The following MTAP variants were observed in gnomAD, a reference collection of about 807,000 sequenced individuals.
MTAP encodes the protein methylthioadenosine phosphorylase, also known as S-methyl-5'-thioadenosine phosphorylase.
MTAP carries 33 observed loss-of-function variants against 33.6 expected under a neutral mutation model. That is an observed-to-expected ratio of 0.98 (90% CI 0.74 to 1.31). The LOEUF (loss-of-function observed/expected upper bound fraction) is 1.31, where lower values mean the gene tolerates loss of function less well. MTAP is among the 40% of genes most tolerant of loss of function. The pLI is 0.00. For missense variants in MTAP, 367 were observed against 360.0 expected, an observed-to-expected ratio of 1.02 and a Z score of -0.16; for synonymous variants, 148 against 125.7, an observed-to-expected ratio of 1.18 and a Z score of -1.19.
intron 1 of MTAP, among the ~76,000 whole-genome samples, chr9:21,886,627 G>A (rs1376809858): frequency 1.3e-5 from 2 of 152,172 alleles, no homozygotes; most frequent in Non-Finnish European, 1.5e-5. Context: ...AAAGTGAGAG[G>A]TGAGGATCCA....
At chr9:21,833,872 A>G (rs1825035118) in intron 4 of MTAP, among the ~76,000 whole-genome samples, 1 of 152,192 alleles carries the variant, frequency 6.6e-6, no homozygotes, top group Admixed American at 6.5e-5. Context: ...GAAACAACCT[A>G]CCAGTCAGTC....
downstream of MTAP, chr9:21,867,173 TTTC>T (rs1266794445): frequency 2.6e-5 from 4 of 152,202 alleles, no homozygotes; most frequent in African/African-American, 9.6e-5. Flanking sequence ...TTACCTTTTG[TTTC>T]TTCTTGCTTT....
intron 4 of MTAP, among the ~76,000 whole-genome samples, chr9:21,827,665 G>T (rs947007313): frequency 3.9e-5 from 6 of 152,146 alleles, no homozygotes; most frequent in African/African-American, 1.4e-4. Flanking sequence ...TTTCTGCCCA[G>T]TTTGCACCAT....
At chr9:21,813,247 C>T (rs1824396535) in intron 1 of MTAP, among the ~76,000 whole-genome samples, 1 of 152,244 alleles carries the variant, frequency 6.6e-6, no homozygotes, top group Non-Finnish European at 1.5e-5. Flanking sequence ...TCAGTTGCTA[C>T]ACTTGTCCCT....
chr9:21,849,270 G>A (rs975876936), intron 5 of MTAP, among the ~76,000 whole-genome samples: 1 of 152,114 alleles, frequency 6.6e-6, no homozygotes, highest in African/African-American at 2.4e-5. Flanking sequence ...TTTTACCAGG[G>A]TAACTGTGCA....
intron 6 of MTAP, 31 bp from the exon 7 acceptor site, chr9:21,859,272 C>A (rs775562154): frequency 6.3e-7 from 1 of 1,580,486 alleles, no homozygotes; most frequent in South Asian, 1.2e-5. Context: ...ATTTTAAGTT[C>A]TAGTAACCTC....
chr9:21,851,027 G>T (rs1398195633), intron 5 of MTAP, among the ~76,000 whole-genome samples: 2 of 152,154 alleles, frequency 1.3e-5, no homozygotes, highest in Non-Finnish European at 2.9e-5. Context: ...ACTCCACAAT[G>T]GAAGTAAAGA....
intron 5 of MTAP, among the ~76,000 whole-genome samples, chr9:21,845,669 A>G (rs1825361804): frequency 6.6e-6 from 1 of 152,164 alleles, no homozygotes. Flanking sequence ...CAGAAATATA[A>G]AAGTATCATA....
At chr9:21,939,266 T>C (rs1288004339), downstream of MTAP, among the ~76,000 whole-genome samples, 1 of 152,222 alleles carries the variant, frequency 6.6e-6, no homozygotes, top group Non-Finnish European at 1.5e-5. Context: ...GGTATGTCTT[T>C]ATCAGCAGTG....
intron 3 of MTAP, 95 bp from the exon 4 acceptor site, chr9:21,817,940 T>G: frequency 8.1e-7 from 1 of 1,228,012 alleles, no homozygotes; most frequent in South Asian, 1.6e-5. Flanking sequence ...TCTGTGGTCA[T>G]TGCTAGAGAA....
At chr9:21,839,589 A>G (rs999968263) in intron 5 of MTAP, among the ~76,000 whole-genome samples, 1 of 152,220 alleles carries the variant, frequency 6.6e-6, no homozygotes, top group African/African-American at 2.4e-5. Flanking sequence ...CTTCATAAAG[A>G]CTGAGAGAAT....
At chr9:21,885,949 C>A (rs573334371) in intron 1 of MTAP, among the ~76,000 whole-genome samples, 7 of 152,076 alleles carry the variant, frequency 4.6e-5, no homozygotes, top group African/African-American at 1.7e-4. Flanking sequence ...ATAATGACTT[C>A]TTTTCCTCTG....
At chr9:21,893,695 C>G (rs1427857521) in intron 1 of MTAP, 1 of 151,944 alleles carries the variant, frequency 6.6e-6, no homozygotes, top group Admixed American at 6.6e-5. Flanking sequence ...CAAGATTAAA[C>G]CTGGAAAAAA....
intron 1 of MTAP, among the ~76,000 whole-genome samples, chr9:21,926,339 T>A (rs1403262110): frequency 6.9e-6 from 1 of 144,378 alleles, no homozygotes; most frequent in Non-Finnish European, 1.5e-5. Flanking sequence ...TCTTACCTGT[T>A]AAAAAGAGCA....
chr9:21,872,181 T>A (rs371088923), intron 1 of MTAP, among the ~76,000 whole-genome samples: 6 of 151,988 alleles, frequency 3.9e-5, no homozygotes, highest in African/African-American at 1.5e-4. Flanking sequence ...GGCATGATGG[T>A]AGGCACCTGT....
intron 5 of MTAP, among the ~76,000 whole-genome samples, chr9:21,852,509 CAAAAA>C (rs10628807): frequency 8.7e-6 from 1 of 114,610 alleles, no homozygotes; most frequent in Non-Finnish European, 1.9e-5. Context: ...GACTCCATCT[CAAAAA>C]AAAAAAAAAA....
intron 1 of MTAP, among the ~76,000 whole-genome samples, chr9:21,895,448 G>C (rs1471321988): frequency 6.6e-6 from 1 of 152,220 alleles, no homozygotes; most frequent in African/African-American, 2.4e-5. Flanking sequence ...TTCCAACTGA[G>C]GTACCGGGTT....
downstream of MTAP, among the ~76,000 whole-genome samples, chr9:21,871,489 A>G (rs942880708): frequency 1.5e-4 from 23 of 152,214 alleles, no homozygotes; most frequent in Non-Finnish European, 5.9e-5. Context: ...ACACTGTATT[A>G]TAATTGTCTG....
chr9:21,845,623 A>G (rs756744320), intron 5 of MTAP, among the ~76,000 whole-genome samples: 2 of 152,172 alleles, frequency 1.3e-5, no homozygotes, highest in African/African-American at 4.8e-5. Context: ...CACAAATTCA[A>G]TGCAGTTTCC....
Sources: gnomAD v4.1 joint callset for allele counts (sites outside exome capture counted in the v4.1 genomes callset) on GRCh38, gnomAD v4.1.1 for gene constraint, MANE v1.5 for transcripts, NCBI Gene and HGNC (gene_info 2026-07-23, HGNC 2026-07-21) for gene names.